Variants in PTPRD observed in about 807,000 individuals in gnomAD.
The protein encoded by PTPRD is protein tyrosine phosphatase receptor type D, also known as receptor-type tyrosine-protein phosphatase delta.
A neutral mutation model predicts 214.5 loss-of-function variants in PTPRD; 34 were observed. That is an observed-to-expected ratio of 0.16 (90% CI 0.12 to 0.21). The LOEUF (loss-of-function observed/expected upper bound fraction) is 0.21, where lower values mean the gene tolerates loss of function less well. PTPRD is among the 10% of genes least tolerant of loss of function. The pLI is 1.00. For synonymous variants in PTPRD, 1,128 were observed against 845.7 expected (o/e 1.33, Z -5.79); for missense variants, 2,545 against 2,398.7 (o/e 1.06, Z -1.27).
intron 3 of PTPRD, among the ~76,000 whole-genome samples, chr9:10,190,816 G>A (rs2099360802): frequency 6.6e-6 from 1 of 151,292 alleles, no homozygotes; most frequent in Non-Finnish European, 1.5e-5. Context: ...AGGTTTATGA[G>A]TCTAGCAACA....
intron 10 of PTPRD, among the ~76,000 whole-genome samples, chr9:9,100,064 G>T (rs1450939108): frequency 1.3e-5 from 2 of 152,026 alleles, no homozygotes; most frequent in African/African-American, 2.4e-5. Flanking sequence ...TTTTTGTGAT[G>T]ATTATAATTA....
chr9:9,896,232 G>A lies in PTPRD; in HGVS notation c.-368+42275C>T, dbSNP rs571285892. 2.6e-5 allele frequency among the ~76,000 whole-genome samples: 4 copies of A among 152,146 alleles called. No individual in the cohort carries two copies. The South Asian group carries it at 6.2e-4, about 24-fold the overall frequency. ...ATACATAAAATATGACTATTTCCATGATATCAGGGTCTCTATTTTGCTGGA... is the reference window on the plus strand; with the variant it reads ...ATACATAAAATATGACTATTTCCATAATATCAGGGTCTCTATTTTGCTGGA... On this transcript the variant is annotated intron_variant, in intron 5 of 45. Coordinates refer to ENST00000381196, the MANE Select transcript of PTPRD (RefSeq NM_002839.4).
chr9:10,598,891 T>C lies in PTPRD; in HGVS notation c.-600+13507A>G, dbSNP rs17793755. ...TGTATGACACTACCAATTTTTGATATGATGAGGAGTAAATAGGTAAAACAG... is the reference window on the plus strand; with the variant it reads ...TGTATGACACTACCAATTTTTGATACGATGAGGAGTAAATAGGTAAAACAG... On this transcript the variant is annotated intron_variant, in intron 2 of 45. Coordinates refer to ENST00000381196, the MANE Select transcript of PTPRD (RefSeq NM_002839.4). Among the ~76,000 whole-genome samples the C allele has an allele frequency of 8.6e-3, 1,310 of 151,648 alleles. 8 individuals carry two copies. The highest frequency in any genetic ancestry group is 0.015 in the Non-Finnish European group (995 of 67,708).
intron 11 of PTPRD, among the ~76,000 whole-genome samples, chr9:8,963,506 T>C (rs1047303401): frequency 2.0e-5 from 3 of 152,176 alleles, no homozygotes; most frequent in Non-Finnish European, 4.4e-5. Context: ...TCCATGTCTA[T>C]TGAGATGACC....
intron 12 of PTPRD, among the ~76,000 whole-genome samples, chr9:8,705,761 T>C (rs1021203336): frequency 2.6e-4 from 39 of 152,360 alleles, no homozygotes; most frequent in African/African-American, 9.4e-4. Flanking sequence ...CACATGTTTA[T>C]TACTTACTAG....
rs182941110 is a variant in PTPRD, at chr9:10,371,326, G to A, written c.-599-30309C>T. Among the ~76,000 whole-genome samples, 404 of 151,988 alleles carry A rather than the reference G, an allele frequency of 2.7e-3. 4 individuals carry two copies. The highest frequency in any genetic ancestry group is 4.4e-3 in the Non-Finnish European group (299 of 67,952). On this transcript the variant is annotated intron_variant, in intron 2 of 45. Coordinates refer to ENST00000381196, the MANE Select transcript of PTPRD (RefSeq NM_002839.4). ...GCTACCGAGGGTTTATGCTACTATC[G>A]TTGGCTATATAACTGAGTTGAACTG...
chr9:8,765,220 G>A (rs960595173), intron 11 of PTPRD, among the ~76,000 whole-genome samples: 4 of 152,200 alleles, frequency 2.6e-5, no homozygotes, highest in Non-Finnish European at 5.9e-5. Context: ...AAAAGATGGA[G>A]CATAATTCCA....
intron 14 of PTPRD, among the ~76,000 whole-genome samples, chr9:8,587,851 A>G (rs2093789054): frequency 6.6e-6 from 1 of 152,214 alleles, no homozygotes; most frequent in African/African-American, 2.4e-5. Context: ...AATTTTCTGA[A>G]TGTCTGTTTC....
At chr9:10,229,357 T>C (rs2099600317) in intron 3 of PTPRD, among the ~76,000 whole-genome samples, 1 of 152,048 alleles carries the variant, frequency 6.6e-6, no homozygotes, top group Admixed American at 6.6e-5. Context: ...ACTGGGTATA[T>C]ACCCAAAGGA....
chr9:10,049,424 AAAG>A (rs1438525445), intron 3 of PTPRD, among the ~76,000 whole-genome samples: 4 of 134,904 alleles, frequency 3.0e-5, no homozygotes, highest in Admixed American at 8.0e-5. Context: ...AGAAAGAAAG[AAAG>A]AAAGAAAGAA....
intron 3 of PTPRD, among the ~76,000 whole-genome samples, chr9:10,053,253 G>A (rs73390256): frequency 0.018 from 2,769 of 152,216 alleles, 83 homozygotes; most frequent in East Asian, 0.096. Flanking sequence ...AAAGCTGTTT[G>A]AAGTTTAATA....
intron 7 of PTPRD, among the ~76,000 whole-genome samples, chr9:9,589,915 T>C (rs1315114941): frequency 6.6e-6 from 1 of 151,968 alleles, no homozygotes; most frequent in East Asian, 1.9e-4. Flanking sequence ...TCATTATTTC[T>C]ACAGGTCATC....
At chr9:9,078,543 G>C (rs1472858892) in intron 10 of PTPRD, among the ~76,000 whole-genome samples, 1 of 152,002 alleles carries the variant, frequency 6.6e-6, no homozygotes, top group Non-Finnish European at 1.5e-5. Flanking sequence ...AGAAATACTT[G>C]GCTCATGTTC....
chr9:10,257,524 G>C (rs1214640102), intron 3 of PTPRD, among the ~76,000 whole-genome samples: 1 of 152,314 alleles, frequency 6.6e-6, no homozygotes. Flanking sequence ...AAATAAAAGA[G>C]TAATGATAAG....
chr9:9,987,412 T>C (rs953688240), intron 4 of PTPRD, among the ~76,000 whole-genome samples: 6 of 152,122 alleles, frequency 3.9e-5, no homozygotes, highest in Admixed American at 6.6e-5. Context: ...GCAATCATGG[T>C]AGAAGGCAAG....
intron 11 of PTPRD, among the ~76,000 whole-genome samples, chr9:8,903,733 G>A (rs2098688416): frequency 6.6e-6 from 1 of 151,856 alleles, no homozygotes; most frequent in Non-Finnish European, 1.5e-5. Context: ...CTAACAAACT[G>A]TTCTGATTCT....
At chr9:9,006,781 TA>T (rs1466810915) in intron 11 of PTPRD, among the ~76,000 whole-genome samples, 1 of 152,070 alleles carries the variant, frequency 6.6e-6, no homozygotes, top group African/African-American at 2.4e-5. Flanking sequence ...ACTCCACAGA[TA>T]TTTTTCAATA....
chr9:9,903,435 G>C (rs1440042567), intron 5 of PTPRD, among the ~76,000 whole-genome samples: 1 of 152,008 alleles, frequency 6.6e-6, no homozygotes, highest in African/African-American at 2.4e-5. Flanking sequence ...TCACAAGTTG[G>C]TGAGAAAATA....
At chr9:10,535,785 T>C (rs2057638790) in intron 2 of PTPRD, among the ~76,000 whole-genome samples, 1 of 152,126 alleles carries the variant, frequency 6.6e-6, no homozygotes, top group Non-Finnish European at 1.5e-5. Context: ...AATTGATATC[T>C]AGCCTTGTGT....
Sources: allele counts gnomAD v4.1 joint callset (sites outside exome capture counted in the v4.1 genomes callset), GRCh38; gene constraint gnomAD v4.1.1; transcripts MANE v1.5; gene names NCBI Gene and HGNC (gene_info 2026-07-23, HGNC 2026-07-21).